GALM: variants seen among roughly 807,000 people sequenced by gnomAD.
GALM encodes galactose mutarotase.
In GALM, 43 loss-of-function variants were observed where a neutral mutation model predicts 37.4. The observed-to-expected ratio is 1.15, with a 90% CI of 0.90 to 1.48. The LOEUF is 1.48. Among genes scored for constraint, GALM ranks in the 40% most tolerant of loss-of-function variants. The pLI is 0.00. For missense variants in GALM, 456 were observed against 419.1 expected, an observed-to-expected ratio of 1.09 and a Z score of -0.77; for synonymous variants, 199 against 170.6, an observed-to-expected ratio of 1.17 and a Z score of -1.30.
intron 4 of GALM, among the ~76,000 whole-genome samples, chr2:38,693,005 G>C (rs1404050942): frequency 6.6e-6 from 1 of 152,198 alleles, no homozygotes; most frequent in African/African-American, 2.4e-5. Context: ...TGTCAGATCT[G>C]TACCAGGCTC....
chr2:38,690,046 T>C, intron 4 of GALM, 152 bp downstream of exon 4: 1 of 523,526 alleles, frequency 1.9e-6, no homozygotes, highest in Non-Finnish European at 3.4e-6. Context: ...AGTTTTGATA[T>C]GTGTACTGTG....
In GALM at chr2:38,675,934, C is replaced by T. The variant is rs766850711; in HGVS notation, c.213C>T (p.Tyr71=). Reference sequence around the variant, plus strand: ...CAGGATACCTCCAAAAGCAGCCATACTTTGGAGCAGTTATTGGGAGGGTGG... The same window carrying T: ...CAGGATACCTCCAAAAGCAGCCATATTTTGGAGCAGTTATTGGGAGGGTGG... ...ELEGYLQKQP[Y]FGAVIGRVAN... Residue 71 remains tyrosine, a synonymous_variant, in exon 2 of 7, where the codon TAC becomes TAT. Coordinates refer to ENST00000272252, the MANE Select transcript of GALM (RefSeq NM_138801.3). The T allele has an allele frequency of 6.2e-7, 1 of 1,613,990 alleles. No individual in the cohort carries two copies. Among genetic ancestry groups the T allele is most frequent in the Non-Finnish European group, 8.5e-7 (1 of 1,179,996 alleles).
intron 2 of GALM, among the ~76,000 whole-genome samples, chr2:38,676,591 C>T (rs1392355082): frequency 1.3e-5 from 2 of 151,976 alleles, no homozygotes; most frequent in Admixed American, 6.6e-5. Flanking sequence ...GGTAAAACCC[C>T]GTCTCTACGA....
At chr2:38,710,463 A>G (rs995982782) in intron 4 of GALM, among the ~76,000 whole-genome samples, 6 of 152,194 alleles carry the variant, frequency 3.9e-5, no homozygotes, top group African/African-American at 1.4e-4. Flanking sequence ...CACCTGGCCT[A>G]CTTCTGGGCC....
chr2:38,723,407 A>C (rs1277983665), intron 4 of GALM, among the ~76,000 whole-genome samples: 2 of 152,174 alleles, frequency 1.3e-5, no homozygotes, highest in South Asian at 2.1e-4. Context: ...TGCTGCTGTC[A>C]CTCACGAGTC....
intron 4 of GALM, among the ~76,000 whole-genome samples, chr2:38,699,608 A>G (rs1167246427): frequency 6.6e-6 from 1 of 152,158 alleles, no homozygotes; most frequent in African/African-American, 2.4e-5. Context: ...ACCTGAGGTC[A>G]GGAGTTCAAG....
chr2:38,722,444 C>T (rs1241026923), intron 4 of GALM, among the ~76,000 whole-genome samples: 4 of 152,170 alleles, frequency 2.6e-5, no homozygotes, highest in Admixed American at 2.6e-4. Flanking sequence ...AGAGCTGTAA[C>T]CCTAGATTGT....
intron 4 of GALM, among the ~76,000 whole-genome samples, chr2:38,729,269 C>T (rs1403336774): frequency 6.6e-6 from 1 of 152,024 alleles, no homozygotes; most frequent in Admixed American, 6.6e-5. Context: ...TTCACTGTAG[C>T]CTCGACCTCC....
At chr2:38,686,833 G>T (rs1340474936) in intron 3 of GALM, among the ~76,000 whole-genome samples, 1 of 152,182 alleles carries the variant, frequency 6.6e-6, no homozygotes, top group African/African-American at 2.4e-5. Flanking sequence ...ATTAATGCTA[G>T]GCCAGGAGTC....
rs70954749 is a variant in GALM, at chr2:38,734,383, C to CA, written c.*838dup. On this transcript the variant is annotated 3_prime_UTR_variant, in exon 7 of 7. Transcript: ENST00000272252. ...TGGGCAACAGAGCAAAACTCGATCT[C>CA]AAAAAAAAAAAAAAAAAAAAGGAAA... The CA allele has an allele frequency of 0.82, 66,643 of 81,180 alleles. 26,676 individuals carry two copies. The highest frequency in any genetic ancestry group is 0.96 in the East Asian group (2,439 of 2,550). The allele number at this position is 81,180 out of a possible 1,614,324, so 5.0% of individuals were successfully genotyped here.
chr2:38,672,964 C>T (rs973041944), intron 1 of GALM, among the ~76,000 whole-genome samples: 2 of 152,048 alleles, frequency 1.3e-5, no homozygotes, highest in African/African-American at 4.8e-5. Flanking sequence ...GAGCCAAGAC[C>T]GCACACTGCA....
At position 38,729,717 on chromosome 2, in the gene GALM, CT is replaced by C; in HGVS notation, c.776+21del. 1.2e-6 allele frequency: 2 copies of C among 1,601,246 alleles called. No individual in the cohort carries two copies. The highest frequency in any genetic ancestry group is 1.1e-5 in the South Asian group (1 of 90,360). On this transcript the variant is annotated intron_variant, in intron 5 of 6. Transcript: ENST00000272252. The stretch of plus-strand genomic sequence containing the variant: ...TGCAAGGTCAGGTACTTTTCACTTC[CT>C]GAGTCTGTAAGGAAGAAATGACACC...
At chr2:38,712,646 G>T (rs1366253472) in intron 4 of GALM, among the ~76,000 whole-genome samples, 2 of 152,142 alleles carry the variant, frequency 1.3e-5, no homozygotes, top group South Asian at 4.2e-4. Context: ...GGGCTTCAGG[G>T]CTCCCTGCTT....
chr2:38,707,016 G>A (rs1261763384), intron 4 of GALM, among the ~76,000 whole-genome samples: 1 of 151,860 alleles, frequency 6.6e-6, no homozygotes, highest in East Asian at 1.9e-4. Context: ...TGAGGAAGCA[G>A]GAAGGCTGTG....
Position 38,729,721 on chromosome 2 carries a change from G to A in GALM, c.776+24G>A, listed in dbSNP as rs764144026. The A allele has an allele frequency of 3.8e-6, 6 of 1,592,028 alleles. No individual in the cohort carries two copies. In the South Asian group the frequency reaches 5.6e-5, roughly 15 times the overall value. ...AGGTCAGGTACTTTTCACTTCCTGA[G>A]TCTGTAAGGAAGAAATGACACCAAG... On this transcript the variant is annotated intron_variant, in intron 5 of 6. Coordinates refer to ENST00000272252, the MANE Select transcript of GALM (RefSeq NM_138801.3).
chr2:38,666,463 C>A, intron 1 of GALM, 112 bp downstream of exon 1: 2 of 794,456 alleles, frequency 2.5e-6, no homozygotes, highest in Non-Finnish European at 2.0e-6. Context: ...AGTCGCCTAG[C>A]TTGGGACCGT....
intron 1 of GALM, among the ~76,000 whole-genome samples, chr2:38,669,900 T>C (rs940803661): frequency 1.3e-5 from 2 of 149,668 alleles, no homozygotes; most frequent in African/African-American, 4.9e-5. Context: ...TTTTTCTTTT[T>C]TTTTTTTTTT....
chr2:38,675,518 GT>G (rs1553379770), intron 1 of GALM, among the ~76,000 whole-genome samples: 3 of 104,976 alleles, frequency 2.9e-5, no homozygotes, highest in Non-Finnish European at 3.7e-5. Flanking sequence ...TGGATTGAGG[GT>G]TTTTTTGTTT....
At chr2:38,674,634 T>C (rs776732799) in intron 1 of GALM, among the ~76,000 whole-genome samples, 12 of 152,174 alleles carry the variant, frequency 7.9e-5, no homozygotes, top group Non-Finnish European at 1.6e-4. Flanking sequence ...TCCTTGTGTA[T>C]TACCTAACTC....
Sources: gnomAD v4.1 joint callset for allele counts (sites outside exome capture counted in the v4.1 genomes callset) on GRCh38, gnomAD v4.1.1 for gene constraint, MANE v1.5 for transcripts, NCBI Gene and HGNC (gene_info 2026-07-23, HGNC 2026-07-21) for gene names.